Variants in SYNDIG1 observed in about 807,000 individuals in gnomAD.
SYNDIG1 encodes the protein synapse differentiation inducing 1.
In SYNDIG1, 9 loss-of-function variants were observed where a neutral mutation model predicts 19.4. That is an observed-to-expected ratio of 0.46 (90% CI 0.28 to 0.81). The LOEUF (loss-of-function observed/expected upper bound fraction) is 0.81, where lower values mean the gene tolerates loss of function less well. Ranked by LOEUF, SYNDIG1 falls within the 30% of genes least tolerant of loss-of-function variation. The pLI is 0.12. For missense variants in SYNDIG1, 311 were observed against 343.3 expected (o/e 0.91, Z 0.74); for synonymous variants, 141 against 145.9 (o/e 0.97, Z 0.24).
chr20:24,508,337 TC>T (rs1485569644), intron 1 of SYNDIG1, among the ~76,000 whole-genome samples: 1 of 149,204 alleles, frequency 6.7e-6, no homozygotes, highest in Non-Finnish European at 1.5e-5. Flanking sequence ...CAAGTAATTG[TC>T]CTGCCTCAGC....
At chr20:24,659,686 G>A (rs1489707901) in intron 3 of SYNDIG1, among the ~76,000 whole-genome samples, 2 of 152,176 alleles carry the variant, frequency 1.3e-5, no homozygotes, top group Non-Finnish European at 2.9e-5. Context: ...GGTGGGGAGA[G>A]GCCTGGAGAG....
At chr20:24,573,955 C>T (rs930684783) in intron 2 of SYNDIG1, among the ~76,000 whole-genome samples, 5 of 152,212 alleles carry the variant, frequency 3.3e-5, no homozygotes, top group African/African-American at 9.6e-5. Context: ...GACCTGAAGT[C>T]TGCCCTGCAA....
intron 3 of SYNDIG1, among the ~76,000 whole-genome samples, chr20:24,650,859 A>G (rs2059464821): frequency 6.6e-6 from 1 of 151,990 alleles, no homozygotes; most frequent in Non-Finnish European, 1.5e-5. Context: ...TTTTTGAGAC[A>G]GAGCCTCACT....
At chr20:24,480,962 G>A (rs908030875) in intron 1 of SYNDIG1, among the ~76,000 whole-genome samples, 2 of 152,160 alleles carry the variant, frequency 1.3e-5, no homozygotes, top group African/African-American at 4.8e-5. Context: ...TGGTTGTGAG[G>A]GTTTGGGGAA....
At chr20:24,582,191 G>A (rs1351921117) in intron 2 of SYNDIG1, among the ~76,000 whole-genome samples, 1 of 129,412 alleles carries the variant, frequency 7.7e-6, no homozygotes, top group Admixed American at 8.7e-5. Context: ...CCTCCCCGCT[G>A]CACATCCTGC....
chr20:24,533,487 A>G (rs779850164), intron 1 of SYNDIG1, among the ~76,000 whole-genome samples: 53 of 152,294 alleles, frequency 3.5e-4, no homozygotes, highest in Non-Finnish European at 5.3e-4. Flanking sequence ...CTTGTTGACA[A>G]TAGTCTGATG....
At chr20:24,640,202 G>A (rs1188087413) in intron 3 of SYNDIG1, among the ~76,000 whole-genome samples, 1 of 151,886 alleles carries the variant, frequency 6.6e-6, no homozygotes, top group African/African-American at 2.4e-5. Flanking sequence ...GGGGTCATGG[G>A]GAGTGCCTAT....
intron 2 of SYNDIG1, among the ~76,000 whole-genome samples, chr20:24,549,521 G>GGAGCAT (rs932167163): frequency 2.0e-5 from 3 of 152,200 alleles, no homozygotes; most frequent in Non-Finnish European, 4.4e-5. Context: ...TTGCAGGACT[G>GGAGCAT]GAGCATGCAG....
chr20:24,642,928 T>C (rs2059392203), intron 3 of SYNDIG1, among the ~76,000 whole-genome samples: 1 of 152,192 alleles, frequency 6.6e-6, no homozygotes, highest in Non-Finnish European at 1.5e-5. Context: ...GAAATAAATG[T>C]ATGTATCCTC....
intron 1 of SYNDIG1, among the ~76,000 whole-genome samples, chr20:24,509,670 C>G (rs940742207): frequency 1.3e-5 from 2 of 152,200 alleles, no homozygotes; most frequent in South Asian, 4.2e-4. Context: ...GTGGTTCATT[C>G]AGTTTTTGTA....
intron 1 of SYNDIG1, among the ~76,000 whole-genome samples, chr20:24,477,649 AC>A (rs752898373): frequency 4.6e-5 from 7 of 152,124 alleles, no homozygotes; most frequent in Non-Finnish European, 8.8e-5. Flanking sequence ...TGCCCTGGAT[AC>A]CTGCAGAGGT....
Position 24,556,697 on chromosome 20 carries a change from C to G in SYNDIG1, c.480+13120C>G, listed in dbSNP as rs550168057. 1.5e-4 allele frequency among the ~76,000 whole-genome samples: 23 copies of G among 152,326 alleles called. No individual in the cohort carries two copies. In the East Asian group the frequency reaches 4.2e-3, roughly 28 times the overall value. ...TCCACTGTTAGTCTGATGGGCTTCC[C>G]TTTGTGGGTAACCCGACGTTTCTCT... is the stretch of plus-strand genomic sequence containing the variant. On this transcript the variant is annotated intron_variant, in intron 2 of 3. Transcript: ENST00000376862.
intron 1 of SYNDIG1, among the ~76,000 whole-genome samples, chr20:24,476,249 A>G (rs575464165): frequency 9.0e-4 from 137 of 151,962 alleles, no homozygotes; most frequent in Non-Finnish European, 1.6e-3. Context: ...ATAATAGTTT[A>G]ATACACTAAA....
intron 3 of SYNDIG1, among the ~76,000 whole-genome samples, chr20:24,650,701 C>T (rs144756951): frequency 1.3e-5 from 2 of 152,294 alleles, no homozygotes; most frequent in East Asian, 3.9e-4. Context: ...CTGCAGTATG[C>T]GTGGAAATGG....
intron 3 of SYNDIG1, among the ~76,000 whole-genome samples, chr20:24,632,283 A>G (rs2059255705): frequency 6.6e-6 from 1 of 152,194 alleles, no homozygotes; most frequent in South Asian, 2.1e-4. Context: ...GTCTCGCTCC[A>G]GGCTGGAGTG....
At chr20:24,553,823 A>G (rs2057756911) in intron 2 of SYNDIG1, among the ~76,000 whole-genome samples, 1 of 152,166 alleles carries the variant, frequency 6.6e-6, no homozygotes, top group South Asian at 2.1e-4. Flanking sequence ...ACTTTAAAGT[A>G]GTTTTTTTCC....
intron 1 of SYNDIG1, among the ~76,000 whole-genome samples, chr20:24,516,558 C>T (rs1020915439): frequency 1.3e-5 from 2 of 152,176 alleles, no homozygotes; most frequent in Admixed American, 6.5e-5. Context: ...CCAACAGACA[C>T]ATGAAAAACT....
chr20:24,639,104 A>G (rs1303516048), intron 3 of SYNDIG1, among the ~76,000 whole-genome samples: 1 of 152,218 alleles, frequency 6.6e-6, no homozygotes, highest in African/African-American at 2.4e-5. Context: ...ACACATTATT[A>G]TAATACAAAG....
intron 1 of SYNDIG1, among the ~76,000 whole-genome samples, chr20:24,499,456 T>A (rs1471562759): frequency 6.6e-6 from 1 of 152,190 alleles, no homozygotes; most frequent in Non-Finnish European, 1.5e-5. Flanking sequence ...GAAGGATAAT[T>A]AACTCATATT....
Sources: allele counts gnomAD v4.1 joint callset (sites outside exome capture counted in the v4.1 genomes callset), GRCh38; gene constraint gnomAD v4.1.1; transcripts MANE v1.5; gene names NCBI Gene and HGNC (gene_info 2026-07-23, HGNC 2026-07-21).